The following SDK1 variants were observed in gnomAD, a reference collection of about 807,000 sequenced individuals.
SDK1 encodes sidekick cell adhesion molecule 1, also known as protein sidekick-1.
SDK1 carries 157 observed loss-of-function variants against 245.5 expected under a neutral mutation model. The ratio of observed to expected loss-of-function variants is 0.64; its 90% CI spans 0.56 to 0.73. SDK1 has a LOEUF of 0.73. SDK1 is among the 30% of genes least tolerant of loss of function. The pLI is 0.00. For missense variants in SDK1, 3,583 were observed against 3,002.3 expected, an observed-to-expected ratio of 1.19 and a Z score of -4.52; for synonymous variants, 1,647 against 1,278.5, an observed-to-expected ratio of 1.29 and a Z score of -6.15.
intron 14 of SDK1, among the ~76,000 whole-genome samples, chr7:3,993,871 A>G (rs1330537109): frequency 6.6e-6 from 1 of 152,190 alleles, no homozygotes; most frequent in African/African-American, 2.4e-5. Context: ...TCGTTGTTGT[A>G]AAGGACAGAG....
chr7:3,814,907 C>T (rs1360102235), intron 4 of SDK1, among the ~76,000 whole-genome samples: 1 of 152,076 alleles, frequency 6.6e-6, no homozygotes. Context: ...TGATTTGGCT[C>T]TCTGTTTGTA....
At chr7:3,396,199 T>TA (rs1374160754) in intron 1 of SDK1, among the ~76,000 whole-genome samples, 4 of 151,894 alleles carry the variant, frequency 2.6e-5, no homozygotes, top group African/African-American at 9.7e-5. Context: ...CTTGTAATTT[T>TA]AAAAAAATTT....
chr7:4,112,228 C>T (rs1043411350), intron 23 of SDK1, among the ~76,000 whole-genome samples: 5 of 152,076 alleles, frequency 3.3e-5, no homozygotes, highest in Non-Finnish European at 5.9e-5. Flanking sequence ...AGGAAGACTC[C>T]AAGCAGGGAG....
Position 3,969,327 on chromosome 7 carries a change from G to C in SDK1, c.1617G>C (p.Gln539His), listed in dbSNP as rs377274613. 2 of 1,611,376 alleles carry C rather than the reference G, an allele frequency of 1.2e-6. No homozygotes were observed. The highest frequency in any genetic ancestry group is 1.7e-4 in the Middle Eastern group (1 of 6,060). The change falls in exon 11 of 45, where the codon CAG becomes CAC. Residue 539 changes from glutamine (Q) to histidine (H), a missense_variant. Physicochemically the swap from Gln to His is conservative, Grantham distance 24. Coordinates refer to ENST00000404826, the MANE Select transcript of SDK1 (RefSeq NM_152744.4). ...RFMLLESGGL[Q>H]IAPVFIQDAG... ...TGCTTCTTGAATCGGGGGGTCTACA[G>C]ATCGCGCCCGTCTTCATCCAGGATG...
chr7:4,202,204 G>T (rs912404679), intron 35 of SDK1, among the ~76,000 whole-genome samples: 1 of 152,258 alleles, frequency 6.6e-6, no homozygotes, highest in African/African-American at 2.4e-5. Context: ...GATGAAACTT[G>T]TCTTTCACAT....
intron 4 of SDK1, among the ~76,000 whole-genome samples, chr7:3,795,970 C>G (rs1778952094): frequency 6.6e-6 from 1 of 152,120 alleles, no homozygotes; most frequent in African/African-American, 2.4e-5. Flanking sequence ...CATGAGAGTG[C>G]TAAGAAATAG....
At chr7:4,081,545 C>T (rs1227351805) in intron 22 of SDK1, among the ~76,000 whole-genome samples, 1 of 151,898 alleles carries the variant, frequency 6.6e-6, no homozygotes, top group African/African-American at 2.4e-5. Flanking sequence ...CTCAGCCTCC[C>T]GAGTAGCTGG....
chr7:3,994,874 C>T (rs1015782516), intron 14 of SDK1, among the ~76,000 whole-genome samples: 29 of 152,190 alleles, frequency 1.9e-4, no homozygotes, highest in African/African-American at 2.9e-4. Context: ...GCCACCAGAG[C>T]GAGCTCAGTA....
intron 28 of SDK1, among the ~76,000 whole-genome samples, chr7:4,140,454 A>G (rs1021981123): frequency 1.3e-5 from 2 of 152,180 alleles, no homozygotes; most frequent in Admixed American, 1.3e-4. Context: ...GATGTTTTGC[A>G]GTTTCCCCCA....
chr7:4,014,909 G>A (rs1005463483), intron 16 of SDK1, among the ~76,000 whole-genome samples: 1 of 152,174 alleles, frequency 6.6e-6, no homozygotes, highest in African/African-American at 2.4e-5. Context: ...CTGTTCCGGA[G>A]GGGAGCGCAG....
intron 1 of SDK1, among the ~76,000 whole-genome samples, chr7:3,365,817 GAGGTCAGTCAGGAGT>G (rs775288652): frequency 0.45 from 68,120 of 151,826 alleles, 17,065 homozygotes; most frequent in East Asian, 0.61. Context: ...TGTATCACCT[GAGGTCAGTCAGGAGT>G]TTGAGACCAG....
intron 1 of SDK1, among the ~76,000 whole-genome samples, chr7:3,421,286 G>A (rs1273466993): frequency 6.6e-6 from 1 of 151,866 alleles, no homozygotes; most frequent in Non-Finnish European, 1.5e-5. Context: ...TGGCCAAGCT[G>A]GTCTTGAATT....
At chr7:3,675,336 G>A (rs910773982) in intron 4 of SDK1, among the ~76,000 whole-genome samples, 1 of 152,264 alleles carries the variant, frequency 6.6e-6, no homozygotes, top group Middle Eastern at 3.4e-3. Context: ...TCTACAGCTG[G>A]AATTATTATA....
chr7:3,701,137 C>T (rs1026839951), intron 4 of SDK1, among the ~76,000 whole-genome samples: 1 of 152,122 alleles, frequency 6.6e-6, no homozygotes, highest in Admixed American at 6.5e-5. Context: ...AAAAATCAAT[C>T]ACATTTCTAT....
Position 4,220,211 on chromosome 7 carries a change from C to T in SDK1, c.5642C>T (p.Ala1881Val), listed in dbSNP as rs750631682. 8.7e-6 allele frequency: 14 copies of T among 1,613,876 alleles called. No individual in the cohort carries two copies. Among genetic ancestry groups the T allele is most frequent in the African/African-American group, 2.7e-5 (2 of 74,896 alleles). The stretch of plus-strand genomic sequence containing the variant: ...GTGACCTATTTCTTCCGTGTCCAAG[C>T]GCGGACCATCACCTACGGGCCCGAG... ...KGVTYFFRVQ[A>V]RTITYGPELQ... The change falls in exon 39 of 45, where the codon GCG becomes GTG. Residue 1881 changes from alanine (A) to valine (V), a missense_variant. Physicochemically the swap from Ala to Val is moderately conservative, Grantham distance 64 (BLOSUM62 0). Coordinates refer to ENST00000404826, the MANE Select transcript of SDK1 (RefSeq NM_152744.4).
chr7:4,137,591 A>C (rs1348818899), intron 28 of SDK1, among the ~76,000 whole-genome samples: 1 of 152,116 alleles, frequency 6.6e-6, no homozygotes, highest in Non-Finnish European at 1.5e-5. Flanking sequence ...TGATGTTTTT[A>C]ATCTTCCATT....
chr7:3,935,578 C>T (rs181090673), intron 5 of SDK1, among the ~76,000 whole-genome samples: 1 of 152,224 alleles, frequency 6.6e-6, no homozygotes, highest in Admixed American at 6.5e-5. Flanking sequence ...CTGGAATAGG[C>T]ATTTCTCCAA....
In SDK1 at chr7:4,085,554, T is replaced by G. The variant is rs1266990688; in HGVS notation, c.3324+5970T>G. On this transcript the variant is annotated intron_variant, in intron 22 of 44. Transcript: ENST00000404826. The stretch of plus-strand genomic sequence containing the variant: ...CTTTCTTTAAAAATCATTTTACATT[T>G]TTTTTATTTATTTATTTTGAGATGG... 5.3e-5 allele frequency among the ~76,000 whole-genome samples: 8 copies of G among 152,260 alleles called. No individual in the cohort carries two copies. The East Asian group carries it at 1.3e-3, about 26-fold the overall frequency.
chr7:4,044,846 T>A (rs1173583264), intron 17 of SDK1, among the ~76,000 whole-genome samples: 5 of 152,202 alleles, frequency 3.3e-5, no homozygotes, highest in African/African-American at 9.7e-5. Flanking sequence ...TTCACAAACA[T>A]CTTTAGCCCA....
Sources: allele counts gnomAD v4.1 joint callset (sites outside exome capture counted in the v4.1 genomes callset), GRCh38; gene constraint gnomAD v4.1.1; transcripts MANE v1.5; gene names NCBI Gene and HGNC (gene_info 2026-07-23, HGNC 2026-07-21).